Variants in WDR3 observed in about 807,000 individuals in gnomAD.
WDR3 encodes WD repeat domain 3, also known as WD repeat-containing protein 3.
WDR3 carries 81 observed loss-of-function variants against 123.7 expected under a neutral mutation model. The observed-to-expected ratio is 0.65, with a 90% CI of 0.55 to 0.79. WDR3 has a LOEUF of 0.79. Among genes scored for constraint, WDR3 ranks in the 30% least tolerant of loss-of-function variants. The pLI is 0.00. For synonymous variants in WDR3, 390 were observed against 388.8 expected, an observed-to-expected ratio of 1.00 and a Z score of -0.04; for missense variants, 1,027 against 1,123.2, an observed-to-expected ratio of 0.91 and a Z score of 1.22.
chr1:117,953,038 A>G lies in WDR3; in HGVS notation c.2202+42A>G, dbSNP rs751616284. ...GACCTTGAGATTATGCCCCATATAT[A>G]GTTATCTTATTGAAATTGACTATAA... is the stretch of plus-strand genomic sequence containing the variant. On this transcript the variant is annotated intron_variant, in intron 20 of 26. Coordinates refer to ENST00000349139, the MANE Select transcript of WDR3 (RefSeq NM_006784.3). 3.1e-6 allele frequency: 5 copies of G among 1,593,736 alleles called. No individual in the cohort carries two copies. The South Asian group carries it at 5.7e-5, about 18-fold the overall frequency.
rs1296616787 is a variant in WDR3 at position 117,936,795 on chromosome 1, G to A, written c.408G>A (p.Val136=). 2.5e-6 allele frequency: 4 copies of A among 1,612,276 alleles called. No homozygotes were observed. The Admixed American group carries it at 5.0e-5, about 20-fold the overall frequency. Residue 136 remains valine (V), a synonymous_variant, in exon 4 of 27, where the codon GTG becomes GTA. Transcript: ENST00000349139. The part of the protein sequence containing the change: ...SKDTDIIVWD[V]INESGLYRLK... ...ACACAGATATTATTGTATGGGATGT[G>A]ATCAATGAAAGTGGTCTGTACCGTC...
chr1:117,932,686 G>A (rs1381941323), intron 1 of WDR3, among the ~76,000 whole-genome samples: 1 of 152,276 alleles, frequency 6.6e-6, no homozygotes, highest in Middle Eastern at 3.4e-3. Context: ...GGTTTAATGG[G>A]CAGAAGTAAA....
chr1:117,929,823 C>G (rs567010794), intron 1 of WDR3, 41 bp downstream of exon 1: 2 of 152,522 alleles, frequency 1.3e-5, no homozygotes, highest in Non-Finnish European at 2.9e-5. Flanking sequence ...AGAGCATTAT[C>G]TGCGGCTCCG....
rs1653492455 is a variant in WDR3 at position 117,964,151 on chromosome 1, C to T, written c.*4704C>T. On this transcript the variant is annotated 3_prime_UTR_variant, in exon 27 of 27. Coordinates refer to ENST00000349139, the MANE Select transcript of WDR3 (RefSeq NM_006784.3). ...AATGTCTTCTGTTCTCCCTAGTGTACATTTCTCTCCTAACTGTGACTGGCT... is the reference window on the plus strand; with the variant it reads ...AATGTCTTCTGTTCTCCCTAGTGTATATTTCTCTCCTAACTGTGACTGGCT... The T allele has an allele frequency of 4.9e-6, 2 of 409,748 alleles. No individual in the cohort carries two copies. Among genetic ancestry groups the T allele is most frequent in the Non-Finnish European group, 8.9e-6 (2 of 224,286 alleles). The allele number at this position is 409,748 out of a possible 1,614,324, so 25.4% of individuals were successfully genotyped here. A position where few individuals can be genotyped will look rare whatever the true frequency, so the allele number is the denominator to read the frequency against.
rs774005407 is a variant in WDR3, at chr1:117,963,855, TAGA to T, written c.*4411_*4413del. 2.5e-6 allele frequency: 4 copies of T among 1,614,018 alleles called. No individual in the cohort carries two copies. The South Asian group carries it at 4.4e-5, about 18-fold the overall frequency. ...ACTCCAAGTGTGGAGGAATAAATTG[TAGA>T]AGTTCTCTGGACCATTGGATTTTCT... On this transcript the variant is annotated 3_prime_UTR_variant, in exon 27 of 27. Coordinates refer to ENST00000349139, the MANE Select transcript of WDR3 (RefSeq NM_006784.3).
In WDR3 at chr1:117,965,240, G is replaced by C. The variant is rs190909803; in HGVS notation, c.*5793G>C. 7.9e-5 allele frequency: 12 copies of C among 152,146 alleles called. No individual in the cohort carries two copies. Among genetic ancestry groups the C allele is most frequent in the African/African-American group, 2.9e-4 (12 of 41,504 alleles). 9.4% of individuals were successfully genotyped at this position (152,146 alleles called of 1,614,324 possible). A position where few individuals can be genotyped will look rare whatever the true frequency, so the allele number is the denominator to read the frequency against. On this transcript the variant is annotated 3_prime_UTR_variant, in exon 27 of 27. Coordinates refer to ENST00000349139, the MANE Select transcript of WDR3 (RefSeq NM_006784.3). The stretch of plus-strand genomic sequence containing the variant: ...TCAATAGCATCCGTCAATTGTGTCC[G>C]TCTTTTCCTTGAAATTCTTCCTAAG...
rs1170414351 is a variant in WDR3, at chr1:117,961,320, T to G, written c.*1873T>G. The G allele has an allele frequency of 6.6e-6, 1 of 152,098 alleles. No individual in the cohort carries two copies. Among genetic ancestry groups the G allele is most frequent in the African/African-American group, 2.4e-5 (1 of 41,422 alleles). The allele number at this position is 152,098 out of a possible 1,614,324, so 9.4% of individuals were successfully genotyped here. On this transcript the variant is annotated 3_prime_UTR_variant, in exon 27 of 27. Coordinates refer to ENST00000349139, the MANE Select transcript of WDR3 (RefSeq NM_006784.3). ...TAGTAAAAAAAAATCTGTATAACAG[T>G]GGAGCCAAGTGGTTAAAACCCATGT...
chr1:117,948,554 C>G (rs762582784), intron 13 of WDR3, 48 bp downstream of exon 13: 1 of 1,437,544 alleles, frequency 7.0e-7, no homozygotes, highest in Non-Finnish European at 9.5e-7. Flanking sequence ...CTGTGGCTAC[C>G]CTGATTTCTC....
rs752934626 is a variant in WDR3, at chr1:117,948,506, G to A, written c.1524G>A (p.Gln508=). 1.2e-6 allele frequency: 2 copies of A among 1,611,550 alleles called. No individual in the cohort carries two copies. Among genetic ancestry groups the A allele is most frequent in the South Asian group, 1.1e-5 (1 of 90,620 alleles). The stretch of plus-strand genomic sequence containing the variant: ...GGTCCATGTCCCTCTCTCCAGATCA[G>A]GTAACTAAACCAGATTTTAAAGCCC... ...ALWSMSLSPD[Q]RGFVTGGADK... Residue 508 remains glutamine (Q), a splice_region_variant and synonymous_variant, in exon 13 of 27, where the codon CAG becomes CAA. Transcript: ENST00000349139.
chr1:117,955,224 G>A, intron 23 of WDR3, 91 bp from the exon 24 acceptor site: 2 of 1,054,806 alleles, frequency 1.9e-6, no homozygotes, highest in Non-Finnish European at 2.8e-6. Flanking sequence ...GTAAGAAGGA[G>A]GGGTTCCTGT....
chr1:117,954,546 T>G, intron 22 of WDR3, 34 bp from the exon 23 acceptor site: 1 of 1,608,244 alleles, frequency 6.2e-7, no homozygotes, highest in Non-Finnish European at 8.5e-7. Flanking sequence ...AGTCTCAGTT[T>G]TTTTAATGAC....
At chr1:117,955,438 G>T (rs1410765434) in intron 24 of WDR3, 80 bp downstream of exon 24, 1 of 1,308,682 alleles carries the variant, frequency 7.6e-7, no homozygotes, top group African/African-American at 1.5e-5. Context: ...GAAATAAATA[G>T]AAATTATAAT....
intron 5 of WDR3, among the ~76,000 whole-genome samples, chr1:117,938,859 A>G (rs1331858027): frequency 6.6e-6 from 1 of 152,222 alleles, no homozygotes; most frequent in Admixed American, 6.5e-5. Context: ...TTATATGTGC[A>G]GCACCTAGCT....
At chr1:117,931,167 C>G (rs1296474203) in intron 1 of WDR3, among the ~76,000 whole-genome samples, 1 of 152,162 alleles carries the variant, frequency 6.6e-6, no homozygotes, top group African/African-American at 2.4e-5. Flanking sequence ...ACTCTTGACT[C>G]CTAGGCCTTG....
rs780856089 is a variant in WDR3, at chr1:117,952,612, C to T, written c.2101C>T (p.Leu701Phe). ...VSSSHDKSLR[L>F]WERTREPLIL... ...ATCGTCCCATGACAAATCTCTGAGA[C>T]TTTGGGAGAGAACAAGGGAGCCTCT... The change falls in exon 19 of 27, where the codon CTT becomes TTT. Residue 701 changes from leucine to phenylalanine, a missense_variant. Transcript: ENST00000349139. 1.2e-6 allele frequency: 2 copies of T among 1,613,410 alleles called. No individual in the cohort carries two copies. The highest frequency in any genetic ancestry group is 2.7e-5 in the African/African-American group (2 of 74,870).
intron 10 of WDR3, 97 bp from the exon 11 acceptor site, chr1:117,943,299 A>T: frequency 9.6e-7 from 1 of 1,043,088 alleles, no homozygotes; most frequent in Non-Finnish European, 1.4e-6. Flanking sequence ...TTCAAACTTT[A>T]TATAGATAGA....
Position 117,946,118 on chromosome 1 carries a change from G to A in WDR3, c.1361G>A (p.Cys454Tyr), listed in dbSNP as rs1651370060. The change falls in exon 12 of 27, where the codon TGT (cysteine) becomes TAT (tyrosine). Residue 454 changes from cysteine (C) to tyrosine (Y), a missense_variant. Physicochemically the swap from Cys to Tyr is radical, Grantham distance 194. Transcript: ENST00000349139. ...STLQCIRTMTCEYALCSFFVP... is the reference protein window; with the variant it reads ...STLQCIRTMTYEYALCSFFVP... ...CTGCAGTGTATTCGCACAATGACCT[G>A]TGAATATGCACTTTGCTCATTCTTT... 1 of 1,612,992 alleles carries A rather than the reference G, an allele frequency of 6.2e-7. No individual in the cohort carries two copies. The highest frequency in any genetic ancestry group is 1.7e-5 in the Admixed American group (1 of 59,920).
Position 117,961,368 on chromosome 1 carries a change from T to C in WDR3, c.*1921T>C, listed in dbSNP as rs1415806800. The C allele has an allele frequency of 6.6e-6, 1 of 152,170 alleles. No homozygotes were observed. Among genetic ancestry groups the C allele is most frequent in the Non-Finnish European group, 1.5e-5 (1 of 68,028 alleles). The allele number at this position is 152,170 out of a possible 1,614,324, so 9.4% of individuals were successfully genotyped here. A position where few individuals can be genotyped will look rare whatever the true frequency, so the allele number is the denominator to read the frequency against. On this transcript the variant is annotated 3_prime_UTR_variant, in exon 27 of 27. Transcript: ENST00000349139. ...TGTTCAACGGATTGTCTACTGTATA[T>C]CTTCATGGTAAGGATTTGGGGAATG...
intron 1 of WDR3, 113 bp from the exon 2 acceptor site, chr1:117,933,175 G>C: frequency 1.1e-6 from 1 of 876,146 alleles, no homozygotes; most frequent in Admixed American, 2.8e-5. Context: ...CTGCACTCCA[G>C]CCTGGGCAAC....
Sources: allele counts gnomAD v4.1 joint callset (sites outside exome capture counted in the v4.1 genomes callset), GRCh38; gene constraint gnomAD v4.1.1; transcripts MANE v1.5; gene names NCBI Gene and HGNC (gene_info 2026-07-23, HGNC 2026-07-21).